KALRN: variants seen among roughly 807,000 people sequenced by gnomAD.
The protein encoded by KALRN is kalirin RhoGEF kinase, also known as kalirin.
In KALRN, 70 loss-of-function variants were observed where a neutral mutation model predicts 353.7. The ratio of observed to expected loss-of-function variants is 0.20; its 90% CI spans 0.16 to 0.24. KALRN has a LOEUF of 0.24. Among genes scored for constraint, KALRN ranks in the 10% least tolerant of loss-of-function variants. The pLI, the probability that KALRN is intolerant of heterozygous loss-of-function variation, is 1.00. For synonymous variants in KALRN, 1,391 were observed against 1,434.8 expected (o/e 0.97, Z 0.69); for missense variants, 2,791 against 3,756.7 (o/e 0.74, Z 6.72).
At chr3:124,656,233 G>GA (rs879342189) in intron 39 of KALRN, among the ~76,000 whole-genome samples, 2,285 of 144,062 alleles carry the variant, frequency 0.016, 58 homozygotes, top group African/African-American at 0.054. Flanking sequence ...ACACTTGGAT[G>GA]AAAAAAAAAA....
chr3:124,691,289 A>G (rs2061801011), intron 51 of KALRN, among the ~76,000 whole-genome samples: 1 of 152,132 alleles, frequency 6.6e-6, no homozygotes, highest in Non-Finnish European at 1.5e-5. Flanking sequence ...TTAGCTGGGC[A>G]TGGTGGCGCA....
chr3:124,574,888 C>G (rs1371347434), intron 34 of KALRN, among the ~76,000 whole-genome samples: 1 of 152,214 alleles, frequency 6.6e-6, no homozygotes, highest in Admixed American at 6.5e-5. Context: ...CAGGCCACAG[C>G]TCTAGGAGCT....
At chr3:124,138,260 C>G (rs1271103980) in intron 1 of KALRN, among the ~76,000 whole-genome samples, 4 of 152,150 alleles carry the variant, frequency 2.6e-5, no homozygotes, top group African/African-American at 9.7e-5. Context: ...CATTAGACAT[C>G]AATTTAGCAT....
intron 10 of KALRN, among the ~76,000 whole-genome samples, chr3:124,363,266 G>T (rs568624597): frequency 6.6e-6 from 1 of 152,198 alleles, no homozygotes; most frequent in Admixed American, 6.5e-5. Flanking sequence ...AAAAATTAGT[G>T]CCACAATCTC....
rs114575183 is a variant in KALRN, at chr3:124,542,847, A to G, written c.4936-19996A>G. 6.0e-3 allele frequency among the ~76,000 whole-genome samples: 909 copies of G among 152,284 alleles called. 3 individuals carry two copies. Among genetic ancestry groups the G allele is most frequent in the Middle Eastern group, 0.027 (8 of 294 alleles). On this transcript the variant is annotated intron_variant, in intron 33 of 59. Coordinates refer to ENST00000682506, the MANE Select transcript of KALRN (RefSeq NM_001388419.1). ...CTTCAAAACTTAGAGACTTAAAACA[A>G]TATTTATTATGTAGTAGTTTCTGTG...
At chr3:124,608,106 C>T (rs1275195587) in intron 34 of KALRN, among the ~76,000 whole-genome samples, 1 of 151,228 alleles carries the variant, frequency 6.6e-6, no homozygotes, top group Admixed American at 6.6e-5. Context: ...CCTGCCTGCT[C>T]AAGTGATTCT....
At chr3:124,053,374 G>A (rs775041370) in intron 1 of KALRN, among the ~76,000 whole-genome samples, 1 of 152,186 alleles carries the variant, frequency 6.6e-6, no homozygotes, top group Non-Finnish European at 1.5e-5. Flanking sequence ...GAAATTTAAT[G>A]GTGGGGTATC....
chr3:124,477,904 G>A (rs1396759237), intron 27 of KALRN, among the ~76,000 whole-genome samples: 2 of 152,206 alleles, frequency 1.3e-5, no homozygotes, highest in Admixed American at 6.5e-5. Context: ...ACTGTGGCCT[G>A]AGCATTGGGA....
intron 1 of KALRN, among the ~76,000 whole-genome samples, chr3:124,041,737 C>T (rs1322883567): frequency 6.6e-6 from 1 of 152,284 alleles, no homozygotes; most frequent in Middle Eastern, 3.4e-3. Flanking sequence ...AGTTCAGAGT[C>T]CTCCTGCCAC....
intron 19 of KALRN, among the ~76,000 whole-genome samples, 177 bp downstream of exon 19, chr3:124,442,236 A>G (rs991980090): frequency 2.4e-4 from 36 of 152,172 alleles, no homozygotes; most frequent in African/African-American, 8.2e-4. Context: ...TTAAACACGC[A>G]TCAAGATCTG....
chr3:124,494,993 A>T (rs1284674623), intron 32 of KALRN, among the ~76,000 whole-genome samples: 1 of 152,184 alleles, frequency 6.6e-6, no homozygotes, highest in Non-Finnish European at 1.5e-5. Context: ...CCTGGCACAG[A>T]CCTTGCAGCC....
At chr3:124,521,251 G>A (rs112638525) in intron 33 of KALRN, among the ~76,000 whole-genome samples, 9 of 152,222 alleles carry the variant, frequency 5.9e-5, no homozygotes, top group South Asian at 2.1e-4. Flanking sequence ...GCCTCCAAGC[G>A]CTGGGCATTA....
intron 27 of KALRN, among the ~76,000 whole-genome samples, chr3:124,478,444 A>C (rs915660748): frequency 2.6e-5 from 4 of 152,216 alleles, no homozygotes; most frequent in Admixed American, 2.6e-4. Context: ...CTCAACAGAA[A>C]TGATCCTACA....
At chr3:124,506,333 C>T (rs2065224777) in intron 33 of KALRN, among the ~76,000 whole-genome samples, 1 of 152,186 alleles carries the variant, frequency 6.6e-6, no homozygotes, top group South Asian at 2.1e-4. Context: ...CCCGCCATGT[C>T]CCATGCAGAT....
intron 12 of KALRN, among the ~76,000 whole-genome samples, chr3:124,396,675 T>C (rs2090199112): frequency 6.6e-6 from 1 of 152,262 alleles, no homozygotes; most frequent in South Asian, 2.1e-4. Flanking sequence ...TCACTTTCTG[T>C]GGGGCTAGGC....
intron 1 of KALRN, among the ~76,000 whole-genome samples, chr3:124,158,084 T>C (rs2069285787): frequency 6.6e-6 from 1 of 152,214 alleles, no homozygotes; most frequent in Admixed American, 6.5e-5. Flanking sequence ...GGCTCACAGG[T>C]GTGCCTTGTA....
chr3:124,675,989 G>T (rs2087141948), intron 49 of KALRN, among the ~76,000 whole-genome samples: 2 of 152,148 alleles, frequency 1.3e-5, no homozygotes, highest in Admixed American at 6.5e-5. Context: ...AGGCACAATA[G>T]CCCCCATGCA....
Position 124,657,715 on chromosome 3 carries a change from A to T in KALRN, c.5967-19A>T, listed in dbSNP as rs2150179829. 6 of 1,593,468 alleles carry T rather than the reference A, an allele frequency of 3.8e-6. No individual in the cohort carries two copies. Among genetic ancestry groups the T allele is most frequent in the Non-Finnish European group, 5.2e-6 (6 of 1,161,500 alleles). ...CTGAATAATGTGGCTTCCTTCTCTT[A>T]TCCCCTTTCTCCTTTTAGTTTTTTC... On this transcript the variant is annotated intron_variant, in intron 40 of 59. Transcript: ENST00000682506.
chr3:124,381,183 C>T (rs997503699), intron 10 of KALRN, among the ~76,000 whole-genome samples: 2 of 152,102 alleles, frequency 1.3e-5, no homozygotes, highest in African/African-American at 4.8e-5. Flanking sequence ...AGAAGCAATG[C>T]CCTTGCTGGG....
Sources: allele counts gnomAD v4.1 joint callset (sites outside exome capture counted in the v4.1 genomes callset), GRCh38; gene constraint gnomAD v4.1.1; transcripts MANE v1.5; gene names NCBI Gene and HGNC (gene_info 2026-07-23, HGNC 2026-07-21).